KLRG1: variants seen among roughly 807,000 people sequenced by gnomAD.
KLRG1 encodes the protein killer cell lectin-like receptor subfamily G member 1.
KLRG1 carries 16 observed loss-of-function variants against 21.8 expected under a neutral mutation model. The observed-to-expected ratio is 0.73, with a 90% CI of 0.50 to 1.11. KLRG1 has a LOEUF of 1.11. Ranked by LOEUF, KLRG1 falls within the 50% of genes most tolerant of loss-of-function variation. The probability of loss-of-function intolerance (pLI) is 0.00; values close to 1 mark genes in which losing one functional copy is unlikely to be tolerated. For missense variants in KLRG1, 173 were observed against 218.3 expected (o/e 0.79, Z 1.31); for synonymous variants, 69 against 75.9 (o/e 0.91, Z 0.47).
chr12:9,026,594 C>T, the KLRG1 span, among the ~76,000 whole-genome samples: 3 of 152,120 alleles, frequency 2.0e-5, no homozygotes, highest in African/African-American at 7.2e-5. Context: ...CTTTGAGCAT[C>T]TTCTCAAGTA....
At chr12:9,160,514 G>A in the KLRG1 span, 15 of 1,599,696 alleles carry the variant, frequency 9.4e-6, no homozygotes, top group Non-Finnish European at 1.2e-5. Flanking sequence ...AAGATTAGAT[G>A]TCAGAATAAT....
At chr12:9,134,893 C>T in the KLRG1 span, among the ~76,000 whole-genome samples, 1 of 152,206 alleles carries the variant, frequency 6.6e-6, no homozygotes, top group Non-Finnish European at 1.5e-5. Flanking sequence ...TCTGCCTCTT[C>T]CTGTCTAGAA....
the KLRG1 span, among the ~76,000 whole-genome samples, chr12:9,017,265 A>T: frequency 1.8e-4 from 3 of 16,328 alleles, no homozygotes; most frequent in African/African-American, 4.6e-4. Flanking sequence ...ACTCCATCTC[A>T]AAAAAAAAAA....
At chr12:8,978,706 T>C (rs1946705108) in intron 1 of KLRG1, among the ~76,000 whole-genome samples, 2 of 150,564 alleles carry the variant, frequency 1.3e-5, no homozygotes, top group Non-Finnish European at 3.0e-5. Flanking sequence ...TTCTTTTCTC[T>C]CTCTCTCTTC....
upstream of KLRG1, among the ~76,000 whole-genome samples, chr12:8,986,807 G>A (rs183143499): frequency 6.0e-4 from 91 of 152,186 alleles, no homozygotes; most frequent in Middle Eastern, 3.4e-3. Flanking sequence ...TGGATCACGC[G>A]GATGGTTTTT....
At chr12:9,067,484 C>G in the KLRG1 span, 1 of 358,884 alleles carries the variant, frequency 2.8e-6, no homozygotes, top group Non-Finnish European at 5.3e-6. Context: ...ATAGGGTATT[C>G]CCATAACCAA....
At chr12:9,162,948 C>T in the KLRG1 span, among the ~76,000 whole-genome samples, 33 of 152,296 alleles carry the variant, frequency 2.2e-4, no homozygotes, top group East Asian at 5.6e-3. Context: ...CACTCTCAGA[C>T]AGGCCCCATA....
chr12:9,162,127 A>G, the KLRG1 span, among the ~76,000 whole-genome samples: 1 of 151,900 alleles, frequency 6.6e-6, no homozygotes, highest in Admixed American at 6.6e-5. Flanking sequence ...AGGCCTGGCT[A>G]ATTTTTGTTT....
At chr12:9,202,424 G>C in the KLRG1 span, 32 of 1,613,488 alleles carry the variant, frequency 2.0e-5, no homozygotes, top group African/African-American at 3.7e-4. Flanking sequence ...AGGTAATTTG[G>C]GTAATAAGAC....
the KLRG1 span, among the ~76,000 whole-genome samples, chr12:9,117,447 T>C: frequency 6.6e-6 from 1 of 152,212 alleles, no homozygotes; most frequent in Non-Finnish European, 1.5e-5. Context: ...ATTTATATCA[T>C]ATTTAAGAGG....
chr12:9,072,581 T>C, the KLRG1 span: 1 of 1,599,946 alleles, frequency 6.3e-7, no homozygotes, highest in Non-Finnish European at 8.5e-7. Context: ...CATTGTTTTC[T>C]GAGTTAGGAC....
chr12:9,193,920 T>G, the KLRG1 span, among the ~76,000 whole-genome samples: 1 of 152,204 alleles, frequency 6.6e-6, no homozygotes, highest in Non-Finnish European at 1.5e-5. Flanking sequence ...AATGCCTTTA[T>G]TGTTTTTCAT....
chr12:9,076,658 G>T, the KLRG1 span: 1 of 1,081,584 alleles, frequency 9.2e-7, no homozygotes. Context: ...AAAGAAGAGA[G>T]GAGACAGGGA....
the KLRG1 span, chr12:9,196,688 G>C: frequency 1.3e-6 from 2 of 1,587,270 alleles, no homozygotes; most frequent in Non-Finnish European, 1.7e-6. Flanking sequence ...CTGTTAAGCT[G>C]AGAAAAATAC....
the KLRG1 span, among the ~76,000 whole-genome samples, chr12:9,155,486 GTTGTTA>G: frequency 6.9e-6 from 1 of 145,312 alleles, no homozygotes; most frequent in Non-Finnish European, 1.5e-5. Flanking sequence ...GTTTTTTGTT[GTTGTTA>G]TTGTTGTTGT....
chr12:9,072,248 T>C, the KLRG1 span: 1 of 1,289,130 alleles, frequency 7.8e-7, no homozygotes, highest in African/African-American at 1.5e-5. Flanking sequence ...CATTGCATTT[T>C]TTGTGAATAG....
the KLRG1 span, chr12:9,180,883 A>T: frequency 1.5e-6 from 2 of 1,360,328 alleles, no homozygotes; most frequent in Non-Finnish European, 9.7e-7. Flanking sequence ...ATGGGAGAAA[A>T]TTTTCGCAAC....
chr12:9,213,684 T>C, the KLRG1 span, among the ~76,000 whole-genome samples: 2 of 152,100 alleles, frequency 1.3e-5, no homozygotes, highest in African/African-American at 4.8e-5. Context: ...CAATTGTTTA[T>C]CTTTTTATTG....
chr12:9,093,319 C>CTATG, the KLRG1 span: 1 of 575,580 alleles, frequency 1.7e-6, no homozygotes, highest in Non-Finnish European at 3.1e-6. Context: ...AATCATTTCA[C>CTATG]TATGTGTATG....
Sources: gnomAD v4.1 joint callset for allele counts (sites outside exome capture counted in the v4.1 genomes callset) on GRCh38, gnomAD v4.1.1 for gene constraint, MANE v1.5 for transcripts, NCBI Gene and HGNC (gene_info 2026-07-23, HGNC 2026-07-21) for gene names.